Variants in GID4 observed in about 807,000 individuals in gnomAD.
GID4 encodes glucose-induced degradation protein 4 homolog.
Under a neutral mutation model 32.4 loss-of-function variants are expected in GID4, and 7 were observed. That is an observed-to-expected ratio of 0.22 (90% confidence interval 0.12 to 0.41). The LOEUF (loss-of-function observed/expected upper bound fraction) is 0.41, where lower values mean the gene tolerates loss of function less well. GID4 is among the 10% of genes least tolerant of loss of function. GID4 has a pLI of 1.00. For missense variants in GID4, 309 were observed against 400.0 expected (o/e 0.77, Z 1.94); for synonymous variants, 166 against 170.0 (o/e 0.98, Z 0.18).
intron 1 of GID4, among the ~76,000 whole-genome samples, chr17:18,043,754 G>T (rs2044824831): frequency 6.6e-6 from 1 of 152,166 alleles, no homozygotes; most frequent in Non-Finnish European, 1.5e-5. Context: ...AAGTAATCAG[G>T]TTCACAAATC....
Position 18,039,994 on chromosome 17 carries a change from C to T in GID4, c.438+92C>T. ...GCTCCTCGACCCCGCAGCCGCGGAACAGGCCCTCGCCGCCGGGGCCTCCTG... is the reference window on the plus strand; with the variant it reads ...GCTCCTCGACCCCGCAGCCGCGGAATAGGCCCTCGCCGCCGGGGCCTCCTG... On this transcript the variant is annotated intron_variant, in intron 1 of 5. Coordinates refer to ENST00000268719, the MANE Select transcript of GID4 (RefSeq NM_024052.5). This position sits in a 1 kb window ranked among gnomAD's most constrained non-coding sequence, Gnocchi z 5.3. The T allele has an allele frequency of 7.9e-7, 1 of 1,257,990 alleles. No homozygotes were observed. Among genetic ancestry groups the T allele is most frequent in the Non-Finnish European group, 1.0e-6 (1 of 998,676 alleles). The allele number at this position is 1,257,990 out of a possible 1,614,324, so 77.9% of individuals were successfully genotyped here. A position where few individuals can be genotyped will look rare whatever the true frequency, so the allele number is the denominator to read the frequency against.
At chr17:18,060,290 C>G (rs2045007217) in intron 4 of GID4, among the ~76,000 whole-genome samples, 1 of 147,762 alleles carries the variant, frequency 6.8e-6, no homozygotes. Flanking sequence ...CCCAGCTACT[C>G]GGGAGGCTGA....
rs1351991939 is a variant in GID4 at position 18,065,814 on chromosome 17, T to C, written c.*571T>C. The C allele has an allele frequency of 1.2e-5, 2 of 171,690 alleles. No homozygotes were observed. The highest frequency in any genetic ancestry group is 4.8e-5 in the African/African-American group (2 of 41,676). 10.6% of individuals were successfully genotyped at this position (171,690 alleles called of 1,614,324 possible). A position where few individuals can be genotyped will look rare whatever the true frequency, so the allele number is the denominator to read the frequency against. On this transcript the variant is annotated 3_prime_UTR_variant, in exon 6 of 6. Transcript: ENST00000268719. ...GGGCTGCCTCAGTCTTCAGTGCTGA[T>C]TGTGTCACGGGTCAGCGTGCGCTGC...
Position 18,039,925 on chromosome 17 carries a change from G to T in GID4, c.438+23G>T. On this transcript the variant is annotated intron_variant, in intron 1 of 5. Coordinates refer to ENST00000268719, the MANE Select transcript of GID4 (RefSeq NM_024052.5). The surrounding 1 kb of genome is among the most constrained non-coding windows in gnomAD (Gnocchi z 5.3). ...CAGGTGAGCGCCGGGCCGGGCCGGG[G>T]CCCGAGGGCCTCCTCGCGGCGCTCA... 1 of 1,351,692 alleles carries T rather than the reference G, an allele frequency of 7.4e-7. No homozygotes were observed. Among genetic ancestry groups the T allele is most frequent in the Non-Finnish European group, 9.6e-7 (1 of 1,045,396 alleles). 83.7% of individuals were successfully genotyped at this position (1,351,692 alleles called of 1,614,324 possible).
intron 2 of GID4, among the ~76,000 whole-genome samples, chr17:18,051,694 T>C (rs1401414724): frequency 2.0e-5 from 3 of 150,592 alleles, no homozygotes; most frequent in Non-Finnish European, 4.4e-5. Flanking sequence ...AAAAATAGCT[T>C]CTAGTTTAAA....
chr17:18,063,308 G>A (rs2045033050), intron 5 of GID4, among the ~76,000 whole-genome samples: 1 of 151,406 alleles, frequency 6.6e-6, no homozygotes, highest in Non-Finnish European at 1.5e-5. Context: ...TACTCAGGAG[G>A]CTGAGGCAGG....
intron 2 of GID4, among the ~76,000 whole-genome samples, chr17:18,049,408 A>G (rs1038542257): frequency 1.1e-4 from 16 of 149,254 alleles, no homozygotes; most frequent in African/African-American, 3.7e-4. Context: ...GCTACCTCAC[A>G]TTCACAAACA....
Position 18,039,427 on chromosome 17 carries a change from T to C in GID4, c.-38T>C. 6 of 1,285,442 alleles carry C rather than the reference T, an allele frequency of 4.7e-6. No individual in the cohort carries two copies. The highest frequency in any genetic ancestry group is 6.2e-6 in the Non-Finnish European group (6 of 971,746). The allele number at this position is 1,285,442 out of a possible 1,614,324, so 79.6% of individuals were successfully genotyped here. A position where few individuals can be genotyped will look rare whatever the true frequency, so the allele number is the denominator to read the frequency against. ...CGGGGTGTGTGTGTGTCTGTGTGTG[T>C]TTGTGTGTTGTGTGTCTGTGAGTGT... On this transcript the variant is annotated 5_prime_UTR_variant, in exon 1 of 6. Transcript: ENST00000268719. The surrounding 1 kb of genome is among the most constrained non-coding windows in gnomAD (Gnocchi z 5.3).
At chr17:18,062,485 A>G (rs1371012142) in intron 5 of GID4, among the ~76,000 whole-genome samples, 1 of 152,140 alleles carries the variant, frequency 6.6e-6, no homozygotes, top group Non-Finnish European at 1.5e-5. Context: ...CTCTGCCTGA[A>G]TGCTAACTTT....
chr17:18,041,448 A>G lies in GID4; in HGVS notation c.438+1546A>G, dbSNP rs1331501656. ...TTGAAACAGCATCGTCATGTTAATCATATCTTTGGGCTGTAAAGTTCTATC... is the reference window on the plus strand; with the variant it reads ...TTGAAACAGCATCGTCATGTTAATCGTATCTTTGGGCTGTAAAGTTCTATC... On this transcript the variant is annotated intron_variant, in intron 1 of 5. Coordinates refer to ENST00000268719, the MANE Select transcript of GID4 (RefSeq NM_024052.5). 2.0e-5 allele frequency among the ~76,000 whole-genome samples: 3 copies of G among 152,162 alleles called. No homozygotes were observed. In the East Asian group the frequency reaches 5.8e-4, roughly 29 times the overall value.
At chr17:18,063,841 C>T (rs894343977) in intron 5 of GID4, among the ~76,000 whole-genome samples, 4 of 152,176 alleles carry the variant, frequency 2.6e-5, no homozygotes, top group Admixed American at 6.6e-5. Context: ...CTCCCAGGTT[C>T]AAGCAATTCT....
intron 1 of GID4, among the ~76,000 whole-genome samples, chr17:18,040,729 C>T (rs934759982): frequency 6.6e-6 from 1 of 152,208 alleles, no homozygotes; most frequent in Non-Finnish European, 1.5e-5. Context: ...TCGTCTTGCT[C>T]GATCCTGGTT....
chr17:18,058,799 A>G (rs1428600888), intron 3 of GID4, 69 bp from the exon 4 acceptor site: 1 of 1,006,880 alleles, frequency 9.9e-7, no homozygotes, highest in African/African-American at 1.6e-5. Context: ...ACCTGGGCAC[A>G]TAAGCATAGT....
intron 2 of GID4, among the ~76,000 whole-genome samples, chr17:18,046,777 C>T (rs1490947498): frequency 6.6e-6 from 1 of 151,980 alleles, no homozygotes; most frequent in Non-Finnish European, 1.5e-5. Flanking sequence ...TAAAAATTAG[C>T]TGGGCATGTT....
At chr17:18,040,867 C>G (rs76850746) in intron 1 of GID4, among the ~76,000 whole-genome samples, 21 of 152,178 alleles carry the variant, frequency 1.4e-4, no homozygotes, top group East Asian at 5.8e-4. Context: ...TCGCCTCCCC[C>G]CATTTGACCT....
chr17:18,060,425 AAGTG>A (rs1161088050), intron 4 of GID4, among the ~76,000 whole-genome samples: 2 of 149,768 alleles, frequency 1.3e-5, no homozygotes, highest in Non-Finnish European at 3.0e-5. Flanking sequence ...AAAAAAAAAG[AAGTG>A]GGGATCACCA....
chr17:18,063,075 AAAATAAATAAAT>A lies in GID4; in HGVS notation c.839+1135_839+1146del, dbSNP rs140677914. Among the ~76,000 whole-genome samples the A allele has an allele frequency of 3.8e-3, 465 of 123,648 alleles. 1 individual carries two copies. The highest frequency in any genetic ancestry group is 7.9e-3 in the African/African-American group (253 of 31,872). 81.1% of individuals were successfully genotyped at this position (123,648 alleles called of 152,430 possible). ...GGCGACAGAGCGAGACACCATCTCA[AAAATAAATAAAT>A]AAATAAATAAATAAATAAATAAATA... On this transcript the variant is annotated intron_variant, in intron 5 of 5. Coordinates refer to ENST00000268719, the MANE Select transcript of GID4 (RefSeq NM_024052.5).
intron 3 of GID4, among the ~76,000 whole-genome samples, chr17:18,055,497 A>T (rs911773458): frequency 8.6e-5 from 13 of 151,912 alleles, no homozygotes; most frequent in Non-Finnish European, 1.6e-4. Context: ...TTTAAAAAAA[A>T]TTTTTTTTAG....
chr17:18,061,960 A>G lies in GID4; in HGVS notation c.824A>G (p.His275Arg), dbSNP rs764253071. 1 of 1,613,704 alleles carries G rather than the reference A, an allele frequency of 6.2e-7. No individual in the cohort carries two copies. The highest frequency in any genetic ancestry group is 8.5e-7 in the Non-Finnish European group (1 of 1,179,964). ...GCCTCCATAGAGGGCTACTACTACC[A>G]TAGGAGTTCAGAATGGTGAGGACCT... Reference protein sequence around the residue: ...SAASIEGYYYHRSSEWYQSLN... With the variant: ...SAASIEGYYYRRSSEWYQSLN... The change falls in exon 5 of 6, where the codon CAT becomes CGT. Residue 275 changes from histidine (H) to arginine (R), a missense_variant. Transcript: ENST00000268719. The surrounding 1 kb of genome is among the most constrained non-coding windows in gnomAD (Gnocchi z 4.4).
Sources: allele counts gnomAD v4.1 joint callset (sites outside exome capture counted in the v4.1 genomes callset), GRCh38; gene constraint gnomAD v4.1.1; non-coding constraint Gnocchi (gnomAD v3.1); transcripts MANE v1.5; gene names NCBI Gene and HGNC (gene_info 2026-07-23, HGNC 2026-07-21).